Variants in ASTN2 observed in about 807,000 individuals in gnomAD.
ASTN2 encodes the protein astrotactin-2.
Under a neutral mutation model 139.8 loss-of-function variants are expected in ASTN2, and 54 were observed. The ratio of observed to expected loss-of-function variants is 0.39; its 90% CI spans 0.31 to 0.48. ASTN2 has a LOEUF of 0.48. Among genes scored for constraint, ASTN2 ranks in the 20% least tolerant of loss-of-function variants. The pLI is 0.95. For missense variants in ASTN2, 1,565 were observed against 1,725.1 expected (o/e 0.91, Z 1.64); for synonymous variants, 756 against 719.5 (o/e 1.05, Z -0.81).
In ASTN2 at chr9:116,775,775, A is replaced by AAGGAGGGAAGGAGGAGGGAAGG. The variant is rs6151139; in HGVS notation, c.2396+29835_2396+29856dup. Reference sequence around the variant, plus strand: ...AGGAGGGAGGGAGGAGGAAAGGGGGAAGGAGGGAAGGAGGAGGGAAGGAGG... The same window carrying AAGGAGGGAAGGAGGAGGGAAGG: ...AGGAGGGAGGGAGGAGGAAAGGGGGAAGGAGGGAAGGAGGAGGGAAGGAGGAGGGAAGGAGGAGGGAAGGAGG... On this transcript the variant is annotated intron_variant, in intron 13 of 22. Transcript: ENST00000313400. Among the ~76,000 whole-genome samples the AAGGAGGGAAGGAGGAGGGAAGG allele has an allele frequency of 3.6e-4, 41 of 115,270 alleles. No homozygotes were observed. The South Asian group carries it at 4.6e-3, about 13-fold the overall frequency. 75.6% of individuals were successfully genotyped at this position (115,270 alleles called of 152,430 possible).
intron 3 of ASTN2, chr9:117,180,829 A>G (rs1370658435): frequency 2.6e-6 from 4 of 1,549,428 alleles, no homozygotes; most frequent in Non-Finnish European, 8.8e-7. Flanking sequence ...GAACTTGGTG[A>G]AGCCCCACTT....
At chr9:116,935,321 T>C (rs922334417) in intron 10 of ASTN2, among the ~76,000 whole-genome samples, 41 of 152,230 alleles carry the variant, frequency 2.7e-4, no homozygotes, top group Non-Finnish European at 7.3e-5. Flanking sequence ...CTGTTTAAAA[T>C]AGCTGTGTGA....
intron 2 of ASTN2, among the ~76,000 whole-genome samples, chr9:117,226,253 G>A (rs1363877616): frequency 6.6e-6 from 1 of 152,186 alleles, no homozygotes; most frequent in Non-Finnish European, 1.5e-5. Context: ...TGCAGGCTCT[G>A]GAGTTGATGG....
chr9:116,556,144 T>A (rs1587994567), intron 19 of ASTN2, among the ~76,000 whole-genome samples: 2 of 152,204 alleles, frequency 1.3e-5, no homozygotes, highest in Non-Finnish European at 2.9e-5. Flanking sequence ...GATAAAAATA[T>A]GAATAAATAA....
intron 3 of ASTN2, among the ~76,000 whole-genome samples, chr9:117,206,611 CG>C (rs1357042235): frequency 6.6e-6 from 1 of 152,196 alleles, no homozygotes; most frequent in African/African-American, 2.4e-5. Flanking sequence ...CAAGCCCACA[CG>C]GGTGGCTGAA....
chr9:116,809,476 C>T (rs996730896), intron 12 of ASTN2, among the ~76,000 whole-genome samples: 15 of 152,064 alleles, frequency 9.9e-5, no homozygotes, highest in African/African-American at 3.6e-4. Flanking sequence ...ATTACTATAG[C>T]TTTATAGCCT....
intron 19 of ASTN2, among the ~76,000 whole-genome samples, chr9:116,528,618 CA>C (rs1851195758): frequency 6.6e-6 from 1 of 152,194 alleles, no homozygotes; most frequent in African/African-American, 2.4e-5. Context: ...ATAGCCAAGA[CA>C]ATGGGGAAAA....
chr9:117,250,608 G>A (rs1292506862), intron 2 of ASTN2, among the ~76,000 whole-genome samples: 2 of 151,994 alleles, frequency 1.3e-5, no homozygotes, highest in Non-Finnish European at 2.9e-5. Flanking sequence ...CTACTATTAG[G>A]TTGGTACAAA....
intron 7 of ASTN2, among the ~76,000 whole-genome samples, chr9:116,988,182 AGAG>A (rs1474724213): frequency 6.6e-6 from 1 of 152,252 alleles, no homozygotes; most frequent in Non-Finnish European, 1.5e-5. Context: ...ATTTAAAAGT[AGAG>A]AAGACAGGCA....
intron 1 of ASTN2, among the ~76,000 whole-genome samples, chr9:117,308,129 A>T (rs959504984): frequency 9.2e-5 from 14 of 152,138 alleles, no homozygotes; most frequent in Admixed American, 5.9e-4. Flanking sequence ...CGGCCCAGTG[A>T]CCTTCCTCTG....
intron 19 of ASTN2, among the ~76,000 whole-genome samples, chr9:116,518,233 A>T (rs1850729358): frequency 6.6e-6 from 1 of 152,210 alleles, no homozygotes; most frequent in Non-Finnish European, 1.5e-5. Flanking sequence ...AGGACAAAGG[A>T]AAGAATCTTC....
rs769650780 is a variant in ASTN2, at chr9:116,425,823, C to T, written c.*28G>A. On this transcript the variant is annotated 3_prime_UTR_variant, in exon 23 of 23. Coordinates refer to ENST00000313400, the MANE Select transcript of ASTN2 (RefSeq NM_001365068.1). ...CTGCTCCCCCTCCCATGGAGAGTCT[C>T]TGTGCTCACGGAGGGCAATACCCTC... is the stretch of plus-strand genomic sequence containing the variant. 42 of 1,613,718 alleles carry T rather than the reference C, an allele frequency of 2.6e-5. No homozygotes were observed. Among genetic ancestry groups the T allele is most frequent in the Non-Finnish European group, 3.4e-5 (40 of 1,179,868 alleles).
At chr9:117,257,088 A>G (rs1449902017) in intron 2 of ASTN2, among the ~76,000 whole-genome samples, 1 of 152,250 alleles carries the variant, frequency 6.6e-6, no homozygotes, top group Non-Finnish European at 1.5e-5. Context: ...CAGTGCACAT[A>G]CACACAAAGA....
At chr9:116,437,238 C>A in intron 22 of ASTN2, 1 of 453,306 alleles carries the variant, frequency 2.2e-6, no homozygotes, top group Middle Eastern at 3.8e-4. Context: ...TCGTCCTTAT[C>A]ATGTTATAGG....
chr9:116,631,692 T>C (rs149848422), intron 17 of ASTN2, among the ~76,000 whole-genome samples: 1 of 152,194 alleles, frequency 6.6e-6, no homozygotes, highest in South Asian at 2.1e-4. Flanking sequence ...TAATGTATTG[T>C]ATTCAAAATA....
chr9:117,225,535 G>GTATATATATATATA (rs58184768), intron 2 of ASTN2, among the ~76,000 whole-genome samples: 4 of 63,958 alleles, frequency 6.3e-5, no homozygotes, highest in African/African-American at 1.7e-4. Context: ...CAAGCTGTAT[G>GTATATATATATATA]TATATATATA....
At chr9:117,153,194 C>T (rs1012044098) in intron 3 of ASTN2, among the ~76,000 whole-genome samples, 1 of 151,988 alleles carries the variant, frequency 6.6e-6, no homozygotes, top group African/African-American at 2.4e-5. Flanking sequence ...TTGCATCTGA[C>T]ACCACCAAGA....
intron 1 of ASTN2, among the ~76,000 whole-genome samples, chr9:117,366,129 C>T (rs1295151195): frequency 6.6e-6 from 1 of 152,138 alleles, no homozygotes; most frequent in Non-Finnish European, 1.5e-5. Context: ...TGGAGGCACT[C>T]ACTGTGTGTT....
In ASTN2 at chr9:117,060,415, A is replaced by AAAGGAAGG. The variant is rs796987048; in HGVS notation, c.1277-20458_1277-20451dup. ...GAAAGAAAGAAAGAAAGAAAGAAGG[A>AAAGGAAGG]AAGGAAGGAAGGAAGGAAGAGAGAG... On this transcript the variant is annotated intron_variant, in intron 5 of 22. Coordinates refer to ENST00000313400, the MANE Select transcript of ASTN2 (RefSeq NM_001365068.1). Among the ~76,000 whole-genome samples the AAAGGAAGG allele has an allele frequency of 9.9e-5, 3 of 30,224 alleles. 1 individual carries two copies. Among genetic ancestry groups the AAAGGAAGG allele is most frequent in the African/African-American group, 5.6e-4 (3 of 5,332 alleles). The allele number at this position is 30,224 out of a possible 152,430, so 19.8% of individuals were successfully genotyped here.
Sources: gnomAD v4.1 joint callset for allele counts (sites outside exome capture counted in the v4.1 genomes callset) on GRCh38, gnomAD v4.1.1 for gene constraint, MANE v1.5 for transcripts, NCBI Gene and HGNC (gene_info 2026-07-23, HGNC 2026-07-21) for gene names.